Variants in KCNMB2 observed in about 807,000 individuals in gnomAD.
KCNMB2 encodes potassium calcium-activated channel subfamily M regulatory beta subunit 2.
KCNMB2 carries 9 observed loss-of-function variants against 24.5 expected under a neutral mutation model. The observed-to-expected ratio is 0.37, with a 90% CI of 0.22 to 0.64. KCNMB2 has a LOEUF of 0.64. Among genes scored for constraint, KCNMB2 ranks in the 30% least tolerant of loss-of-function variants. The probability of loss-of-function intolerance (pLI) is 0.63; values close to 1 mark genes in which losing one functional copy is unlikely to be tolerated. For synonymous variants in KCNMB2, 109 were observed against 104.4 expected, an observed-to-expected ratio of 1.04 and a Z score of -0.27; for missense variants, 226 against 284.3, an observed-to-expected ratio of 0.79 and a Z score of 1.47.
At chr3:178,652,070 T>G (rs371980316) in intron 1 of KCNMB2, among the ~76,000 whole-genome samples, 2 of 151,304 alleles carry the variant, frequency 1.3e-5, no homozygotes, top group Admixed American at 6.6e-5. Context: ...AATTGACAAA[T>G]GGGATCTAAA....
intron 1 of KCNMB2, among the ~76,000 whole-genome samples, chr3:178,676,784 G>A (rs996645822): frequency 6.6e-6 from 1 of 152,158 alleles, no homozygotes; most frequent in African/African-American, 2.4e-5. Flanking sequence ...TGTTTTGCCT[G>A]ACACTCACTT....
At chr3:178,721,890 T>A (rs1187229035) in intron 1 of KCNMB2, among the ~76,000 whole-genome samples, 2 of 152,216 alleles carry the variant, frequency 1.3e-5, no homozygotes, top group African/African-American at 4.8e-5. Flanking sequence ...TGGTGAAATG[T>A]CTGTTCAAGC....
chr3:178,691,293 GT>G (rs35823042), intron 1 of KCNMB2, among the ~76,000 whole-genome samples: 46,216 of 139,530 alleles, frequency 0.33, 7,845 homozygotes, highest in African/African-American at 0.46. Flanking sequence ...ACATGTGCAG[GT>G]TTTTTTTTTT....
intron 1 of KCNMB2, among the ~76,000 whole-genome samples, chr3:178,584,160 A>T (rs762314417): frequency 1.3e-5 from 2 of 152,270 alleles, no homozygotes; most frequent in Non-Finnish European, 2.9e-5. Context: ...TGAAACGGAT[A>T]GCTCATGCAT....
chr3:178,601,316 C>T (rs1305486728), intron 1 of KCNMB2, among the ~76,000 whole-genome samples: 3 of 151,802 alleles, frequency 2.0e-5, no homozygotes, highest in Admixed American at 6.6e-5. Flanking sequence ...GCACGCTCTG[C>T]ACATGTACCC....
intron 1 of KCNMB2, among the ~76,000 whole-genome samples, chr3:178,732,453 G>GT (rs1723183380): frequency 6.6e-6 from 1 of 152,152 alleles, no homozygotes; most frequent in South Asian, 2.1e-4. Context: ...CAAGGCAACA[G>GT]TTGTACAGCT....
intron 1 of KCNMB2, among the ~76,000 whole-genome samples, chr3:178,806,996 A>T (rs1434092640): frequency 6.6e-6 from 1 of 152,220 alleles, no homozygotes; most frequent in East Asian, 1.9e-4. Flanking sequence ...TTTTGGAAAA[A>T]TACAGCATAG....
chr3:178,798,068 A>G (rs1351741826), intron 1 of KCNMB2, among the ~76,000 whole-genome samples: 3 of 152,202 alleles, frequency 2.0e-5, no homozygotes, highest in African/African-American at 7.2e-5. Flanking sequence ...ATATAGGATC[A>G]TGTCATGTGC....
At chr3:178,671,155 TTTGG>T (rs951695817) in intron 1 of KCNMB2, among the ~76,000 whole-genome samples, 1 of 125,986 alleles carries the variant, frequency 7.9e-6, no homozygotes, top group Non-Finnish European at 1.6e-5. Context: ...AAATAGAGAA[TTTGG>T]TTGATATTGG....
chr3:178,549,479 T>A (rs1715877009), intron 1 of KCNMB2, among the ~76,000 whole-genome samples: 1 of 143,988 alleles, frequency 6.9e-6, no homozygotes, highest in South Asian at 2.3e-4. Context: ...CCCAGCTTTT[T>A]TTTTTTTTTT....
In KCNMB2 at chr3:178,630,284, T is replaced by C. The variant is rs111419495; in HGVS notation, c.-68+93573T>C. 1.1e-3 allele frequency among the ~76,000 whole-genome samples: 164 copies of C among 152,310 alleles called. 1 individual carries two copies. Among genetic ancestry groups the C allele is most frequent in the African/African-American group, 3.7e-3 (155 of 41,554 alleles). ...TTTCCAGCAATACTCTCCTAGAACC[T>C]ACTGACAAATAAGCATACAATCTAA... On this transcript the variant is annotated intron_variant, in intron 1 of 4. Transcript: ENST00000452583.
chr3:178,713,732 C>T (rs28567888), intron 1 of KCNMB2, among the ~76,000 whole-genome samples: 44,652 of 152,004 alleles, frequency 0.29, 7,051 homozygotes, highest in African/African-American at 0.41. Context: ...CATGCTCTGA[C>T]GCTGCTTCCA....
chr3:178,588,529 A>G (rs574209847), intron 1 of KCNMB2, among the ~76,000 whole-genome samples: 4 of 152,172 alleles, frequency 2.6e-5, no homozygotes, highest in Non-Finnish European at 5.9e-5. Flanking sequence ...CTCTGTTGAT[A>G]TAATGCTACT....
Position 178,760,945 on chromosome 3 carries a change from A to C in KCNMB2, c.-67-46398A>C, listed in dbSNP as rs535048625. Reference sequence around the variant, plus strand: ...AAAATTTTATCTAATAACTTGATTTACTAATAACAATATGCACCACTTGCA... The same window carrying C: ...AAAATTTTATCTAATAACTTGATTTCCTAATAACAATATGCACCACTTGCA... On this transcript the variant is annotated intron_variant, in intron 1 of 4. Transcript: ENST00000452583. Among the ~76,000 whole-genome samples the C allele has an allele frequency of 9.1e-4, 139 of 152,270 alleles. No individual in the cohort carries two copies. The Middle Eastern group carries it at 0.02, about 22-fold the overall frequency.
chr3:178,606,209 GGAA>G (rs1718265909), intron 1 of KCNMB2, among the ~76,000 whole-genome samples: 1 of 152,076 alleles, frequency 6.6e-6, no homozygotes, highest in South Asian at 2.1e-4. Flanking sequence ...TGAAGACAAG[GGAA>G]GAAGAACCCC....
intron 1 of KCNMB2, among the ~76,000 whole-genome samples, chr3:178,585,300 T>G (rs915481814): frequency 2.6e-5 from 4 of 152,218 alleles, no homozygotes; most frequent in Admixed American, 2.6e-4. Flanking sequence ...ATGATGAAAT[T>G]TATAAAGGTC....
At chr3:178,556,293 C>T (rs1394372426) in intron 1 of KCNMB2, among the ~76,000 whole-genome samples, 3 of 152,172 alleles carry the variant, frequency 2.0e-5, no homozygotes, top group Non-Finnish European at 4.4e-5. Context: ...GTCATTTAAA[C>T]TTAAGCAATC....
intron 1 of KCNMB2, among the ~76,000 whole-genome samples, chr3:178,696,198 T>C (rs753432436): frequency 7.9e-5 from 12 of 152,184 alleles, no homozygotes; most frequent in Middle Eastern, 3.2e-3. Flanking sequence ...CTTACTATCA[T>C]GAGAACAGGA....
intron 1 of KCNMB2, among the ~76,000 whole-genome samples, chr3:178,601,365 A>C (rs193178543): frequency 2.0e-5 from 3 of 152,208 alleles, no homozygotes; most frequent in Non-Finnish European, 4.4e-5. Context: ...AATAAATAAA[A>C]ATTTTAAAAA....
Sources: allele counts gnomAD v4.1 joint callset (sites outside exome capture counted in the v4.1 genomes callset), GRCh38; gene constraint gnomAD v4.1.1; transcripts MANE v1.5; gene names NCBI Gene and HGNC (gene_info 2026-07-23, HGNC 2026-07-21).